BMPR1B: variants seen among roughly 807,000 people sequenced by gnomAD.
BMPR1B encodes bone morphogenetic protein receptor type 1B.
Under a neutral mutation model 59.1 loss-of-function variants are expected in BMPR1B, and 12 were observed. The observed-to-expected ratio is 0.20, with a 90% confidence interval of 0.13 to 0.33. The LOEUF is 0.33. BMPR1B is among the 10% of genes least tolerant of loss of function. The probability of loss-of-function intolerance (pLI) is 1.00; values close to 1 mark genes in which losing one functional copy is unlikely to be tolerated. For synonymous variants in BMPR1B, 237 were observed against 207.3 expected, an observed-to-expected ratio of 1.14 and a Z score of -1.23; for missense variants, 550 against 610.9, an observed-to-expected ratio of 0.90 and a Z score of 1.05.
intron 2 of BMPR1B, among the ~76,000 whole-genome samples, chr4:94,966,632 A>G (rs1730565847): frequency 1.3e-5 from 2 of 152,170 alleles, no homozygotes; most frequent in African/African-American, 4.8e-5. Flanking sequence ...TCTATACTCA[A>G]CTCTGTGGAA....
chr4:95,141,031 A>G (rs1050014090), intron 10 of BMPR1B, among the ~76,000 whole-genome samples: 1 of 152,216 alleles, frequency 6.6e-6, no homozygotes, highest in Non-Finnish European at 1.5e-5. Context: ...AGAGATGAAG[A>G]TGATGGCTCA....
chr4:94,889,046 T>A (rs1345918379), intron 2 of BMPR1B, among the ~76,000 whole-genome samples: 1 of 151,932 alleles, frequency 6.6e-6, no homozygotes, highest in African/African-American at 2.4e-5. Context: ...AAATATATAC[T>A]GGAGCCTCAA....
chr4:94,894,725 G>C (rs1444274842), intron 2 of BMPR1B, among the ~76,000 whole-genome samples: 1 of 151,382 alleles, frequency 6.6e-6, no homozygotes, highest in South Asian at 2.1e-4. Context: ...TTGATTTTTT[G>C]TTAGTTTGGA....
intron 4 of BMPR1B, among the ~76,000 whole-genome samples, chr4:95,109,432 A>C (rs1032802859): frequency 1.3e-5 from 2 of 152,080 alleles, no homozygotes; most frequent in African/African-American, 4.8e-5. Context: ...CAGGCTTTTT[A>C]AACCTCTTAC....
intron 1 of BMPR1B, among the ~76,000 whole-genome samples, chr4:94,764,145 T>TA (rs1185462283): frequency 6.6e-6 from 1 of 152,178 alleles, no homozygotes; most frequent in Non-Finnish European, 1.5e-5. Context: ...CTATGTCAGA[T>TA]ATATTTTGGT....
intron 3 of BMPR1B, among the ~76,000 whole-genome samples, chr4:95,016,044 T>C (rs1723565419): frequency 6.6e-6 from 1 of 152,138 alleles, no homozygotes; most frequent in Non-Finnish European, 1.5e-5. Context: ...CAATTCAGAC[T>C]TAGATATTGA....
In BMPR1B at chr4:95,149,460, T is replaced by A. The variant is rs182282672; in HGVS notation, c.1252+537T>A. On this transcript the variant is annotated intron_variant, in intron 11 of 12. Transcript: ENST00000515059. ...GGAAATTAAAGTATCAGAGTATTAT[T>A]TTTTTATATTGTTTTTTCTACACAT... Among the ~76,000 whole-genome samples the A allele has an allele frequency of 6.0e-4, 92 of 152,266 alleles. 1 individual carries two copies. The highest frequency in any genetic ancestry group is 1.9e-3 in the African/African-American group (80 of 41,554).
At chr4:95,084,571 C>T (rs185875320) in intron 3 of BMPR1B, among the ~76,000 whole-genome samples, 415 of 152,068 alleles carry the variant, frequency 2.7e-3, no homozygotes, top group Non-Finnish European at 5.0e-3. Context: ...TTGAAGTTAC[C>T]AGAGTAGCCA....
intron 1 of BMPR1B, among the ~76,000 whole-genome samples, chr4:94,770,265 G>A (rs1722137920): frequency 6.9e-6 from 1 of 144,156 alleles, no homozygotes; most frequent in Non-Finnish European, 1.5e-5. Context: ...GCTAGTCTAT[G>A]TTAGACCAGA....
chr4:94,898,226 G>T (rs536216924), intron 2 of BMPR1B, among the ~76,000 whole-genome samples: 1 of 151,972 alleles, frequency 6.6e-6, no homozygotes, highest in Admixed American at 6.6e-5. Flanking sequence ...GGCTGAGATT[G>T]CAGGCATGAG....
intron 2 of BMPR1B, among the ~76,000 whole-genome samples, chr4:94,928,906 T>C (rs555188546): frequency 4.6e-5 from 7 of 152,224 alleles, no homozygotes; most frequent in Admixed American, 1.3e-4. Flanking sequence ...TAGGGATAAA[T>C]TAATTTTACT....
chr4:94,864,876 A>G lies in BMPR1B; in HGVS notation c.-182-10955A>G, dbSNP rs190871129. ...CCCATAGTTACAGAGGGCTAACAGT[A>G]TGTATTTTTGCATTACACATGAAAA... On this transcript the variant is annotated intron_variant, in intron 1 of 12. Transcript: ENST00000515059. Among the ~76,000 whole-genome samples the G allele has an allele frequency of 1.7e-4, 26 of 152,330 alleles. No homozygotes were observed. In the East Asian group the frequency reaches 3.9e-3, roughly 23 times the overall value.
chr4:95,037,663 C>T (rs957461420), intron 3 of BMPR1B, among the ~76,000 whole-genome samples: 1 of 152,012 alleles, frequency 6.6e-6, no homozygotes, highest in African/African-American at 2.4e-5. Flanking sequence ...ATTTGTTGAC[C>T]TTTGGAAGAA....
At chr4:94,930,234 G>T (rs1475305538) in intron 2 of BMPR1B, among the ~76,000 whole-genome samples, 1 of 152,044 alleles carries the variant, frequency 6.6e-6, no homozygotes, top group Non-Finnish European at 1.5e-5. Context: ...ATAAAGTGAA[G>T]AAACTTCAGT....
chr4:95,012,039 C>CAAA (rs546068856), intron 3 of BMPR1B, among the ~76,000 whole-genome samples: 1 of 139,892 alleles, frequency 7.1e-6, no homozygotes, highest in Non-Finnish European at 1.6e-5. Context: ...ACAACAACAA[C>CAAA]AAAAAAAAAA....
chr4:94,799,479 A>G (rs927057050), intron 1 of BMPR1B, among the ~76,000 whole-genome samples: 6 of 150,258 alleles, frequency 4.0e-5, no homozygotes, highest in Admixed American at 1.3e-4. Flanking sequence ...AAGTTTTTGT[A>G]TTTTAGTAGA....
intron 3 of BMPR1B, among the ~76,000 whole-genome samples, chr4:95,048,462 T>G (rs1394581422): frequency 6.6e-6 from 1 of 152,178 alleles, no homozygotes; most frequent in African/African-American, 2.4e-5. Context: ...TTGCCAGCAT[T>G]TGTGGATTTT....
chr4:95,097,238 GAAGAAGA>G (rs1440681376), intron 3 of BMPR1B, among the ~76,000 whole-genome samples: 1 of 150,644 alleles, frequency 6.6e-6, no homozygotes, highest in Non-Finnish European at 1.5e-5. Context: ...GAGAAAGAGG[GAAGAAGA>G]GAGAAGAGAG....
intron 2 of BMPR1B, among the ~76,000 whole-genome samples, chr4:94,916,570 G>A (rs1406457083): frequency 6.6e-6 from 1 of 152,196 alleles, no homozygotes; most frequent in Non-Finnish European, 1.5e-5. Flanking sequence ...TCACCATGTG[G>A]CCTGGCTGCT....
Sources: allele counts gnomAD v4.1 joint callset (sites outside exome capture counted in the v4.1 genomes callset), GRCh38; gene constraint gnomAD v4.1.1; transcripts MANE v1.5; gene names NCBI Gene and HGNC (gene_info 2026-07-23, HGNC 2026-07-21).